The following CRB1 variants were observed in gnomAD, a reference collection of about 807,000 sequenced individuals.
CRB1 encodes the protein crumbs cell polarity complex component 1, also known as protein crumbs homolog 1.
In CRB1, 83 loss-of-function variants were observed where a neutral mutation model predicts 120.0. The observed-to-expected ratio is 0.69, with a 90% confidence interval of 0.58 to 0.83. The LOEUF (loss-of-function observed/expected upper bound fraction) is 0.83, where lower values mean the gene tolerates loss of function less well. Ranked by LOEUF, CRB1 falls within the 40% of genes least tolerant of loss-of-function variation. The pLI, the probability that CRB1 is intolerant of heterozygous loss-of-function variation, is 0.00. For missense variants in CRB1, 1,699 were observed against 1,687.6 expected (o/e 1.01, Z -0.12); for synonymous variants, 625 against 612.5 (o/e 1.02, Z -0.30).
In CRB1 at chr1:197,356,972, A is replaced by T; in HGVS notation, c.1130A>T (p.Glu377Val). Reference sequence around the variant, plus strand: ...CTGCCTTCTTCTTTCAGCTACCATGAAGCCTCAGGTTATGTCTGTATCTGT... The same window carrying T: ...CTGCCTTCTTCTTTCAGCTACCATGTAGCCTCAGGTTATGTCTGTATCTGT... Reference protein sequence around the residue: ...TGLPSSFSYHEASGYVCICQP... With the variant: ...TGLPSSFSYHVASGYVCICQP... The change falls in exon 5 of 12, where the codon GAA (glutamate) becomes GTA (valine). Residue 377 changes from glutamate (E) to valine (V), a missense_variant. Physicochemically the swap from Glu to Val is moderately radical, Grantham distance 121. Transcript: ENST00000367400. 1 of 1,614,184 alleles carries T rather than the reference A, an allele frequency of 6.2e-7. No homozygotes were observed. The highest frequency in any genetic ancestry group is 8.5e-7 in the Non-Finnish European group (1 of 1,180,030).
Position 197,429,619 on chromosome 1 carries a change from G to A in CRB1, c.2842+5G>A, listed in dbSNP as rs773914330. On this transcript the variant is annotated splice_donor_5th_base_variant and intron_variant, in intron 8 of 11. Transcript: ENST00000367400. ...CGGTGCTTCAAGGATTTGAATGTAG[G>A]TAGAGTTCAAACCTACCATCTCACC... The A allele has an allele frequency of 1.3e-5, 21 of 1,613,606 alleles. No homozygotes were observed. Among genetic ancestry groups the A allele is most frequent in the Non-Finnish European group, 1.7e-5 (20 of 1,179,802 alleles).
chr1:197,211,375 C>T, the CRB1 span, among the ~76,000 whole-genome samples: 1 of 152,152 alleles, frequency 6.6e-6, no homozygotes, highest in Non-Finnish European at 1.5e-5. Flanking sequence ...AATAAGACAT[C>T]ACAGATTGGG....
At chr1:197,229,483 G>T in the CRB1 span, among the ~76,000 whole-genome samples, 2 of 152,040 alleles carry the variant, frequency 1.3e-5, 1 homozygote, top group South Asian at 4.2e-4. Flanking sequence ...AGATTCGGGG[G>T]TACATTTGCA....
At chr1:197,215,219 A>T in the CRB1 span, among the ~76,000 whole-genome samples, 3 of 151,790 alleles carry the variant, frequency 2.0e-5, no homozygotes, top group African/African-American at 7.3e-5. Flanking sequence ...CCAAAATCTC[A>T]TCTTGAATTG....
chr1:197,459,027 G>GA (rs1275000292), intron 11 of CRB1, among the ~76,000 whole-genome samples: 1 of 151,968 alleles, frequency 6.6e-6, no homozygotes, highest in Non-Finnish European at 1.5e-5. Context: ...ATTCAAGAGA[G>GA]AAAAATGTCG....
At chr1:197,429,758 C>A in intron 8 of CRB1, 144 bp downstream of exon 8, 1 of 842,594 alleles carries the variant, frequency 1.2e-6, no homozygotes, top group Non-Finnish European at 1.8e-6. Context: ...TAGGCTAATA[C>A]TGACTGGCCT....
chr1:197,292,805 A>G (rs775712255), intron 1 of CRB1, among the ~76,000 whole-genome samples: 26 of 152,290 alleles, frequency 1.7e-4, no homozygotes, highest in Non-Finnish European at 3.2e-4. Context: ...ACCAAAGACA[A>G]AAACCACTTG....
intron 4 of CRB1, among the ~76,000 whole-genome samples, chr1:197,352,714 CT>C (rs1660176339): frequency 7.3e-6 from 1 of 136,888 alleles, no homozygotes; most frequent in Non-Finnish European, 1.5e-5. Context: ...AACTTTTTGA[CT>C]CTAAGTTTCT....
intron 11 of CRB1, chr1:197,444,131 A>G (rs1272068541): frequency 6.6e-6 from 1 of 152,230 alleles, no homozygotes; most frequent in Non-Finnish European, 1.5e-5. Context: ...TAAATATACC[A>G]TTCAAACAAA....
chr1:197,339,659 A>T (rs1254110898), intron 2 of CRB1, among the ~76,000 whole-genome samples: 1 of 152,206 alleles, frequency 6.6e-6, no homozygotes, highest in Non-Finnish European at 1.5e-5. Context: ...AGACAGCGTC[A>T]AAGTCAAGAC....
chr1:197,332,750 C>T lies in CRB1; in HGVS notation c.652+3747C>T, dbSNP rs75604688. Among the ~76,000 whole-genome samples the T allele has an allele frequency of 1.7e-4, 26 of 152,234 alleles. 1 individual carries two copies. The East Asian group carries it at 4.8e-3, about 28-fold the overall frequency. On this transcript the variant is annotated intron_variant, in intron 2 of 11. Coordinates refer to ENST00000367400, the MANE Select transcript of CRB1 (RefSeq NM_201253.3). ...GAGTCTAATGTATAGCCAGGGCTGG[C>T]GGCCAAATATTAAGTTCATGTGAGC... is the stretch of plus-strand genomic sequence containing the variant.
chr1:197,410,595 T>G (rs2125449856), intron 5 of CRB1, among the ~76,000 whole-genome samples: 1 of 152,350 alleles, frequency 6.6e-6, no homozygotes, highest in African/African-American at 2.4e-5. Flanking sequence ...CTAAAGAAGT[T>G]ACTGCTCTTC....
At chr1:197,338,536 T>C (rs1433673667) in intron 2 of CRB1, among the ~76,000 whole-genome samples, 1 of 152,156 alleles carries the variant, frequency 6.6e-6, no homozygotes, top group African/African-American at 2.4e-5. Context: ...TCAGCCTCCA[T>C]GATATTCTGG....
At chr1:197,400,166 G>T (rs1662986741) in intron 5 of CRB1, among the ~76,000 whole-genome samples, 2 of 152,106 alleles carry the variant, frequency 1.3e-5, no homozygotes, top group South Asian at 2.1e-4. Flanking sequence ...TGCTCAAACA[G>T]CTATTTATGT....
At chr1:197,318,346 A>G (rs1241248828) in intron 1 of CRB1, among the ~76,000 whole-genome samples, 1 of 152,204 alleles carries the variant, frequency 6.6e-6, no homozygotes, top group Non-Finnish European at 1.5e-5. Context: ...AGAAGATAAC[A>G]AGTGTTGGTG....
the CRB1 span, among the ~76,000 whole-genome samples, chr1:197,241,032 C>T: frequency 6.6e-6 from 1 of 152,172 alleles, no homozygotes; most frequent in African/African-American, 2.4e-5. Flanking sequence ...CCTTCACCCA[C>T]TTTTTGATGG....
chr1:197,288,010 A>G (rs919538459), intron 1 of CRB1, among the ~76,000 whole-genome samples: 1 of 151,812 alleles, frequency 6.6e-6, no homozygotes, highest in Non-Finnish European at 1.5e-5. Context: ...ACTTACTACC[A>G]TGAGAGAGTT....
rs1571573720 is a variant in CRB1 at position 197,442,716 on chromosome 1, C to A, written c.4005+424C>A. ...CACTTCTATATGTGAATGACCACTG[C>A]AATTTCTTCCCACTCCATTTCTGGG... On this transcript the variant is annotated intron_variant, in intron 11 of 11. Transcript: ENST00000367400. The A allele has an allele frequency of 1.2e-5, 4 of 326,368 alleles. No individual in the cohort carries two copies. In the East Asian group the frequency reaches 2.0e-4, roughly 16 times the overall value. The allele number at this position is 326,368 out of a possible 1,614,324, so 20.2% of individuals were successfully genotyped here.
Position 197,421,536 on chromosome 1 carries a change from G to T in CRB1, c.1708G>T (p.Val570Leu), listed in dbSNP as rs754482666. Residue 570 changes from valine (V) to leucine (L), a missense_variant, in exon 6 of 12, where the codon GTG becomes TTG. By Grantham distance (32) the Val-to-Leu change is conservative (BLOSUM62 1). Coordinates refer to ENST00000367400, the MANE Select transcript of CRB1 (RefSeq NM_201253.3). ...CACCAGCGATGGAGAGTGGCATTTC[G>T]TGGAGGTAATATTTGCAGAGGCTGT... ...HNTSDGEWHF[V>L]EVIFAEAVTL... is the part of the protein sequence containing the mutation. The T allele has an allele frequency of 6.2e-7, 1 of 1,614,228 alleles. No individual in the cohort carries two copies. The highest frequency in any genetic ancestry group is 2.2e-5 in the East Asian group (1 of 44,886).
Sources: allele counts gnomAD v4.1 joint callset (sites outside exome capture counted in the v4.1 genomes callset), GRCh38; gene constraint gnomAD v4.1.1; transcripts MANE v1.5; gene names NCBI Gene and HGNC (gene_info 2026-07-23, HGNC 2026-07-21).